The following EFHD1 variants were observed in gnomAD, a reference collection of about 807,000 sequenced individuals.
EFHD1 encodes EF-hand domain family member D1.
In EFHD1, 10 loss-of-function variants were observed where a neutral mutation model predicts 17.2. The observed-to-expected ratio is 0.58, with a 90% CI of 0.36 to 0.99. EFHD1 has a LOEUF of 0.99. Ranked by LOEUF, EFHD1 falls within the 50% of genes least tolerant of loss-of-function variation. The probability of loss-of-function intolerance (pLI) is 0.01; values close to 1 mark genes in which losing one functional copy is unlikely to be tolerated. For synonymous variants in EFHD1, 153 were observed against 142.0 expected (o/e 1.08, Z -0.55); for missense variants, 310 against 327.5 (o/e 0.95, Z 0.41).
chr2:232,607,548 C>T (rs1011574354), intron 1 of EFHD1, among the ~76,000 whole-genome samples: 10 of 150,790 alleles, frequency 6.6e-5, no homozygotes, highest in East Asian at 2.0e-4. Context: ...TAGCCGAGAT[C>T]GCACCACTGT....
At chr2:232,675,246 GAAAGA>G (rs71056291) in intron 3 of EFHD1, among the ~76,000 whole-genome samples, 56,677 of 149,122 alleles carry the variant, frequency 0.38, 11,463 homozygotes, top group East Asian at 0.72. Context: ...AGAAAGAAAA[GAAAGA>G]AAAGAAAAGA....
chr2:232,628,353 G>A (rs1470530070), intron 1 of EFHD1, among the ~76,000 whole-genome samples: 1 of 152,170 alleles, frequency 6.6e-6, no homozygotes, highest in Non-Finnish European at 1.5e-5. Flanking sequence ...GAGCCACTGT[G>A]CCTGGCCATG....
intron 1 of EFHD1, among the ~76,000 whole-genome samples, chr2:232,624,235 G>T (rs188804181): frequency 6.6e-6 from 1 of 152,284 alleles, no homozygotes; most frequent in Admixed American, 6.5e-5. Context: ...CCTACCCAGG[G>T]AACCCAGGTC....
At chr2:232,615,355 T>TGTG in intron 1 of EFHD1, among the ~76,000 whole-genome samples, 1 of 97,126 alleles carries the variant, frequency 1.0e-5, no homozygotes. Flanking sequence ...GTGTGTGTAT[T>TGTG]TACATATTTT....
At chr2:232,635,252 C>T (rs1412472304) in intron 1 of EFHD1, among the ~76,000 whole-genome samples, 1 of 152,240 alleles carries the variant, frequency 6.6e-6, no homozygotes, top group Admixed American at 6.5e-5. Context: ...TGGGGTAATG[C>T]CTTTCATGGG....
chr2:232,664,400 C>A (rs1204418707), intron 2 of EFHD1, among the ~76,000 whole-genome samples: 1 of 151,990 alleles, frequency 6.6e-6, no homozygotes, highest in African/African-American at 2.4e-5. Context: ...TAGGCATGAG[C>A]CACCTTGCCT....
At chr2:232,654,850 G>T (rs115449436) in intron 1 of EFHD1, among the ~76,000 whole-genome samples, 1 of 152,170 alleles carries the variant, frequency 6.6e-6, no homozygotes, top group Non-Finnish European at 1.5e-5. Context: ...CTGGGAAGCC[G>T]TCTCCCTGGT....
intron 1 of EFHD1, among the ~76,000 whole-genome samples, chr2:232,609,258 G>A (rs1693771842): frequency 6.6e-6 from 1 of 151,506 alleles, no homozygotes. Context: ...ACAGGGTTTC[G>A]CCATGTTGGC....
chr2:232,645,506 T>C (rs1694511801), intron 1 of EFHD1, among the ~76,000 whole-genome samples: 1 of 152,170 alleles, frequency 6.6e-6, no homozygotes, highest in Admixed American at 6.5e-5. Context: ...CCCTCACTCT[T>C]TGCCCACGAG....
At chr2:232,680,756 G>A (rs757762840) in intron 3 of EFHD1, among the ~76,000 whole-genome samples, 2 of 151,976 alleles carry the variant, frequency 1.3e-5, no homozygotes, top group South Asian at 2.1e-4. Context: ...TGATCCGCCC[G>A]CTTCAGCCTC....
At chr2:232,675,749 C>T (rs1333870901) in intron 3 of EFHD1, among the ~76,000 whole-genome samples, 1 of 152,036 alleles carries the variant, frequency 6.6e-6, no homozygotes, top group Non-Finnish European at 1.5e-5. Context: ...AGGGTAGGGA[C>T]AACCAGACTA....
chr2:232,661,647 A>G (rs1330389579), intron 1 of EFHD1: 2 of 126,378 alleles, frequency 1.6e-5, no homozygotes, highest in African/African-American at 6.1e-5. Flanking sequence ...GCTCACTGCC[A>G]CCTCCGCCTC....
At chr2:232,671,452 G>A (rs1357184569) in intron 2 of EFHD1, among the ~76,000 whole-genome samples, 1 of 151,884 alleles carries the variant, frequency 6.6e-6, no homozygotes, top group Non-Finnish European at 1.5e-5. Context: ...TAGGCTGGGT[G>A]CAGTGGCTCA....
chr2:232,612,930 G>A (rs557395324), intron 1 of EFHD1, among the ~76,000 whole-genome samples: 6 of 151,556 alleles, frequency 4.0e-5, no homozygotes, highest in African/African-American at 9.7e-5. Context: ...ATGGGGTTTC[G>A]CCATGTTAGC....
At chr2:232,669,602 C>CTT (rs35352156) in intron 2 of EFHD1, among the ~76,000 whole-genome samples, 1,776 of 131,724 alleles carry the variant, frequency 0.013, 25 homozygotes, top group Non-Finnish European at 0.02. Flanking sequence ...TTTGAGAAGG[C>CTT]TTTTTTTTTT....
At chr2:232,678,715 G>A (rs954489820) in intron 3 of EFHD1, among the ~76,000 whole-genome samples, 24 of 152,166 alleles carry the variant, frequency 1.6e-4, no homozygotes, top group African/African-American at 5.3e-4. Context: ...CCTGGGAGGC[G>A]GAGGTTGCAG....
intron 1 of EFHD1, among the ~76,000 whole-genome samples, chr2:232,645,228 C>T (rs1477171815): frequency 2.6e-5 from 4 of 152,076 alleles, no homozygotes; most frequent in Non-Finnish European, 4.4e-5. Context: ...AGCCCTGGAG[C>T]GGGCCACATC....
At chr2:232,631,691 T>TAAAAAA (rs34689384), upstream of EFHD1, among the ~76,000 whole-genome samples, 55 of 115,686 alleles carry the variant, frequency 4.8e-4, 1 homozygote, top group Middle Eastern at 4.3e-3. Context: ...ATAAGAACAT[T>TAAAAAA]AAAAAAAAAA....
intron 1 of EFHD1, chr2:232,661,855 C>T (rs1383314322): frequency 6.6e-6 from 1 of 152,260 alleles, no homozygotes; most frequent in Non-Finnish European, 1.5e-5. Flanking sequence ...GCCACCACGC[C>T]TGGCTGGATA....
Sources: allele counts gnomAD v4.1 joint callset (sites outside exome capture counted in the v4.1 genomes callset), GRCh38; gene constraint gnomAD v4.1.1; transcripts MANE v1.5; gene names NCBI Gene and HGNC (gene_info 2026-07-23, HGNC 2026-07-21).